Variants in GPC4 observed in about 807,000 individuals in gnomAD.
GPC4 encodes glypican 4.
Under a neutral mutation model 35.0 loss-of-function variants are expected in GPC4, and 10 were observed. That is an observed-to-expected ratio of 0.29 (90% CI 0.18 to 0.48). The LOEUF is 0.48. Ranked by LOEUF, GPC4 falls within the 20% of genes least tolerant of loss-of-function variation. GPC4 has a pLI of 0.99. For synonymous variants in GPC4, 167 were observed against 170.2 expected (o/e 0.98, Z 0.15); for missense variants, 322 against 451.3 (o/e 0.71, Z 2.60).
intron 1 of GPC4, among the ~76,000 whole-genome samples, chrX:133,354,585 G>A (rs1174558597): frequency 6.0e-5 from 5 of 83,551 alleles, no homozygotes; most frequent in East Asian, 3.4e-4. Flanking sequence ...TTTTTGAGAC[G>A]GAGTCTCGCT....
intron 4 of GPC4, among the ~76,000 whole-genome samples, chrX:133,308,998 A>G (rs1245843131): frequency 9.1e-6 from 1 of 110,468 alleles, no homozygotes; most frequent in African/African-American, 3.3e-5. Flanking sequence ...AAAAAAAAAA[A>G]AGAGAGAGAG....
At chrX:133,360,749 G>C (rs1193684849) in intron 1 of GPC4, among the ~76,000 whole-genome samples, 1 of 111,808 alleles carries the variant, frequency 8.9e-6, no homozygotes, top group Non-Finnish European at 1.9e-5. Flanking sequence ...CAGCAGAAGT[G>C]ACAGCTGAAA....
chrX:133,371,013 A>C (rs947539158), intron 1 of GPC4, among the ~76,000 whole-genome samples: 11 of 112,227 alleles, frequency 9.8e-5, no homozygotes, highest in Admixed American at 6.6e-4. Flanking sequence ...TCATCCAACT[A>C]TGGCATCCCA....
At chrX:133,410,999 G>T (rs975585402) in intron 1 of GPC4, among the ~76,000 whole-genome samples, 2 of 112,005 alleles carry the variant, frequency 1.8e-5, no homozygotes, top group African/African-American at 3.2e-5. Flanking sequence ...TTACGGTGGG[G>T]AAGGCGGAAT....
chrX:133,389,321 T>G (rs2068708618), intron 1 of GPC4, among the ~76,000 whole-genome samples: 1 of 111,638 alleles, frequency 9.0e-6, no homozygotes, highest in South Asian at 3.8e-4. Context: ...TCTTACTCTC[T>G]CTTATATCCC....
intron 1 of GPC4, among the ~76,000 whole-genome samples, chrX:133,356,606 C>T (rs1213951307): frequency 1.8e-5 from 2 of 111,247 alleles, no homozygotes; most frequent in African/African-American, 6.6e-5. Context: ...CCTCCTCTCT[C>T]ACCATGTGAT....
rs1367697336 is a variant in GPC4, at chrX:133,301,995, A to C, written c.*872T>G. The stretch of plus-strand genomic sequence containing the variant: ...GCTAACCTGCCTGGTTTTAAAAAAA[A>C]ACACCCCTAAACCCAAGTGTGAACA... On this transcript the variant is annotated 3_prime_UTR_variant, in exon 9 of 9. Transcript: ENST00000370828. 1.8e-5 allele frequency: 2 copies of C among 111,843 alleles called. No individual in the cohort carries two copies. Among genetic ancestry groups the C allele is most frequent in the Non-Finnish European group, 3.8e-5 (2 of 53,191 alleles). The allele number at this position is 111,843 out of a possible 1,213,427, so 9.2% of individuals were successfully genotyped here.
At chrX:133,314,276 T>C (rs1406543825) in intron 3 of GPC4, among the ~76,000 whole-genome samples, 2 of 112,310 alleles carry the variant, frequency 1.8e-5, no homozygotes, top group Non-Finnish European at 3.8e-5. Context: ...TCCTTTCTCA[T>C]TCTTTTAAAA....
Position 133,387,472 on chromosome X carries a change from A to C in GPC4, c.160+27334T>G, listed in dbSNP as rs182009637. 4.7e-4 allele frequency among the ~76,000 whole-genome samples: 52 copies of C among 111,805 alleles called. 1 individual carries two copies. The highest frequency in any genetic ancestry group is 1.6e-3 in the African/African-American group (49 of 30,859). On this transcript the variant is annotated intron_variant, in intron 1 of 8. Transcript: ENST00000370828. The stretch of plus-strand genomic sequence containing the variant: ...AGAGAGAGAGAAAAGAAAAGAAAAA[A>C]GAAGAAAACAGAAAAAAAGGAAAGA...
chrX:133,311,954 G>A lies in GPC4; in HGVS notation c.712-531C>T, dbSNP rs899096115. On this transcript the variant is annotated intron_variant, in intron 3 of 8. Transcript: ENST00000370828. Reference sequence around the variant, plus strand: ...AATTAAGGTTTAGAAGGGTACCTACGGTGTCTTCTGTTCTGTGCCAAGAGC... The same window carrying A: ...AATTAAGGTTTAGAAGGGTACCTACAGTGTCTTCTGTTCTGTGCCAAGAGC... 2.7e-5 allele frequency among the ~76,000 whole-genome samples: 3 copies of A among 111,604 alleles called. No individual in the cohort carries two copies. In the East Asian group the frequency reaches 8.5e-4, roughly 31 times the overall value.
chrX:133,402,377 T>C, intron 1 of GPC4, among the ~76,000 whole-genome samples: 1 of 112,231 alleles, frequency 8.9e-6, no homozygotes, highest in South Asian at 3.7e-4. Flanking sequence ...AGAAACCACT[T>C]CCAGCCTGCT....
intron 2 of GPC4, among the ~76,000 whole-genome samples, chrX:133,328,302 C>T (rs1338105258): frequency 1.8e-5 from 2 of 111,218 alleles, no homozygotes; most frequent in Non-Finnish European, 3.8e-5. Flanking sequence ...TCTACCTATG[C>T]CTTTTGCCTC....
intron 1 of GPC4, among the ~76,000 whole-genome samples, chrX:133,383,916 C>T (rs1036322891): frequency 5.4e-5 from 6 of 111,940 alleles, no homozygotes; most frequent in Non-Finnish European, 1.1e-4. Context: ...TGTAGGTTCA[C>T]TGACTGTAAC....
At chrX:133,311,875 C>T (rs1386488360) in intron 3 of GPC4, among the ~76,000 whole-genome samples, 2 of 112,119 alleles carry the variant, frequency 1.8e-5, no homozygotes, top group Non-Finnish European at 3.8e-5. Flanking sequence ...AACAGAAGCA[C>T]ATCTTCTTCT....
chrX:133,311,132 G>C, intron 4 of GPC4, 126 bp downstream of exon 4: 1 of 646,978 alleles, frequency 1.5e-6, no homozygotes, highest in East Asian at 3.3e-5. Context: ...GCGTAGTCAG[G>C]ATTCTGACAA....
At chrX:133,368,153 G>A (rs1337596707) in intron 1 of GPC4, among the ~76,000 whole-genome samples, 2 of 112,118 alleles carry the variant, frequency 1.8e-5, no homozygotes, top group Non-Finnish European at 1.9e-5. Context: ...TCTATTTGCT[G>A]AGATTCTTTT....
intron 1 of GPC4, among the ~76,000 whole-genome samples, chrX:133,371,012 T>C (rs775216054): frequency 2.6e-4 from 29 of 112,324 alleles, no homozygotes; most frequent in Non-Finnish European, 5.1e-4. Flanking sequence ...CTCATCCAAC[T>C]ATGGCATCCC....
intron 2 of GPC4, among the ~76,000 whole-genome samples, chrX:133,332,083 G>T (rs2068422835): frequency 9.0e-6 from 1 of 111,581 alleles, no homozygotes; most frequent in African/African-American, 3.3e-5. Flanking sequence ...AGTGAGCACT[G>T]TAATACTTAA....
At chrX:133,348,181 T>G (rs899356006) in intron 1 of GPC4, among the ~76,000 whole-genome samples, 2 of 112,400 alleles carry the variant, frequency 1.8e-5, no homozygotes, top group African/African-American at 3.2e-5. Flanking sequence ...TTTCAAATGA[T>G]AAGCAAATTG....
Sources: allele counts gnomAD v4.1 joint callset (sites outside exome capture counted in the v4.1 genomes callset), GRCh38; gene constraint gnomAD v4.1.1; transcripts MANE v1.5; gene names NCBI Gene and HGNC (gene_info 2026-07-23, HGNC 2026-07-21).